The following ABCD3 variants were observed in gnomAD, a reference collection of about 807,000 sequenced individuals.
ABCD3 encodes the protein ATP binding cassette subfamily D member 3.
In ABCD3, 41 loss-of-function variants were observed where a neutral mutation model predicts 105.5. The ratio of observed to expected loss-of-function variants is 0.39; its 90% CI spans 0.30 to 0.50. The LOEUF (loss-of-function observed/expected upper bound fraction) is 0.50. Ranked by LOEUF, ABCD3 falls within the 20% of genes least tolerant of loss-of-function variation. ABCD3 has a pLI of 0.84. For missense variants in ABCD3, 622 were observed against 806.3 expected, an observed-to-expected ratio of 0.77 and a Z score of 2.77; for synonymous variants, 258 against 269.0, an observed-to-expected ratio of 0.96 and a Z score of 0.40.
At chr1:94,442,247 G>C (rs1404149783) in intron 1 of ABCD3, among the ~76,000 whole-genome samples, 1 of 152,118 alleles carries the variant, frequency 6.6e-6, no homozygotes, top group Non-Finnish European at 1.5e-5. Flanking sequence ...CTGTGCAATT[G>C]CTATAAGCCG....
At position 94,478,567 on chromosome 1, in the gene ABCD3, T is replaced by A. The variant is rs747447804; in HGVS notation, c.684+252T>A. ...TGGCATTAAAAACCAGACAAATGTATTGGCCAGGCGTGGTGGCTCATGCCT... is the reference window on the plus strand; with the variant it reads ...TGGCATTAAAAACCAGACAAATGTAATGGCCAGGCGTGGTGGCTCATGCCT... On this transcript the variant is annotated intron_variant, in intron 8 of 22. Transcript: ENST00000370214. The A allele has an allele frequency of 5.6e-6, 9 of 1,594,428 alleles. No homozygotes were observed. In the Admixed American group the frequency reaches 1.5e-4, roughly 27 times the overall value.
At chr1:94,439,068 A>T (rs1314248657) in intron 1 of ABCD3, among the ~76,000 whole-genome samples, 1 of 152,052 alleles carries the variant, frequency 6.6e-6, no homozygotes, top group Non-Finnish European at 1.5e-5. Flanking sequence ...TCTTGTCCAG[A>T]GCTTGTTCTG....
At chr1:94,386,528 T>C in the ABCD3 span, among the ~76,000 whole-genome samples, 1 of 152,260 alleles carries the variant, frequency 6.6e-6, no homozygotes, top group Non-Finnish European at 1.5e-5. Context: ...AGCTGAACTT[T>C]AATCCAGTGG....
intron 1 of ABCD3, among the ~76,000 whole-genome samples, chr1:94,447,998 G>A (rs938613989): frequency 7.2e-5 from 11 of 152,188 alleles, no homozygotes; most frequent in African/African-American, 2.7e-4. Context: ...CTGAGGCAGA[G>A]CTTCAGCTAA....
At chr1:94,494,933 T>C (rs1370270026) in intron 16 of ABCD3, among the ~76,000 whole-genome samples, 1 of 151,900 alleles carries the variant, frequency 6.6e-6, no homozygotes, top group Non-Finnish European at 1.5e-5. Context: ...ACAAAAAAAT[T>C]AGCTAGGTGT....
chr1:94,410,075 T>A, the ABCD3 span, among the ~76,000 whole-genome samples: 1 of 152,152 alleles, frequency 6.6e-6, no homozygotes, highest in Non-Finnish European at 1.5e-5. Context: ...TGGCTACAAT[T>A]TGCTTTGTAA....
At chr1:94,510,757 T>C (rs940154379) in intron 21 of ABCD3, among the ~76,000 whole-genome samples, 31 of 152,258 alleles carry the variant, frequency 2.0e-4, no homozygotes, top group African/African-American at 7.5e-4. Context: ...GCCTTCTTTG[T>C]CTCTTTTGAT....
At chr1:94,431,224 T>C (rs1026435688) in intron 1 of ABCD3, among the ~76,000 whole-genome samples, 4 of 152,202 alleles carry the variant, frequency 2.6e-5, no homozygotes, top group African/African-American at 9.6e-5. Flanking sequence ...GGTAAAAATA[T>C]GCGAAAAAGA....
chr1:94,483,635 A>G (rs1464012873), intron 10 of ABCD3, among the ~76,000 whole-genome samples: 2 of 152,176 alleles, frequency 1.3e-5, no homozygotes, highest in African/African-American at 4.8e-5. Context: ...CTTATATAAA[A>G]ATTAATTCAA....
rs267598781 is a variant in ABCD3 at position 94,475,199 on chromosome 1, C to T, written c.462C>T (p.Phe154=). The T allele has an allele frequency of 2.5e-6, 4 of 1,605,224 alleles. No homozygotes were observed. Among genetic ancestry groups the T allele is most frequent in the African/African-American group, 2.7e-5 (2 of 74,872 alleles). ...KYGLNELKLC[F]RVRLTKYLYE... ...GGTTAAATGAGCTTAAACTGTGCTT[C>T]CGAGTAAGGCTCACTAAATACCTCT... is the stretch of plus-strand genomic sequence containing the variant. Residue 154 remains phenylalanine, a synonymous_variant, in exon 6 of 23, where the codon TTC becomes TTT. Coordinates refer to ENST00000370214, the MANE Select transcript of ABCD3 (RefSeq NM_002858.4).
At chr1:94,490,324 A>G (rs1649473067) in intron 15 of ABCD3, among the ~76,000 whole-genome samples, 1 of 151,956 alleles carries the variant, frequency 6.6e-6, no homozygotes, top group African/African-American at 2.4e-5. Flanking sequence ...GTCCCAGTAC[A>G]GTGGATCTAC....
At chr1:94,483,545 G>A (rs1203915701) in intron 10 of ABCD3, among the ~76,000 whole-genome samples, 4 of 152,084 alleles carry the variant, frequency 2.6e-5, no homozygotes, top group Admixed American at 6.5e-5. Flanking sequence ...AATGAGGAAA[G>A]GATTCCCTGT....
At chr1:94,475,868 T>TA in intron 7 of ABCD3, 131 bp downstream of exon 7, 1 of 739,678 alleles carries the variant, frequency 1.4e-6, no homozygotes, top group Non-Finnish European at 2.2e-6. Flanking sequence ...ATAAGAAAAT[T>TA]AGAGTTGTTG....
chr1:94,465,756 T>C (rs893517961), intron 3 of ABCD3, among the ~76,000 whole-genome samples: 1 of 152,212 alleles, frequency 6.6e-6, no homozygotes, highest in Non-Finnish European at 1.5e-5. Context: ...ATTCGTTCCT[T>C]TGCTTTTTTA....
At chr1:94,453,999 A>G (rs1177173896) in intron 1 of ABCD3, among the ~76,000 whole-genome samples, 1 of 150,976 alleles carries the variant, frequency 6.6e-6, no homozygotes, top group African/African-American at 2.4e-5. Flanking sequence ...GGTGAATTCC[A>G]CAGGATATAT....
At chr1:94,497,247 A>G (rs1021851166) in intron 16 of ABCD3, among the ~76,000 whole-genome samples, 8 of 152,104 alleles carry the variant, frequency 5.3e-5, no homozygotes, top group Admixed American at 5.2e-4. Context: ...TAGAATGTAA[A>G]CCAGTAAGGG....
the ABCD3 span, among the ~76,000 whole-genome samples, chr1:94,409,983 T>C: frequency 6.6e-6 from 1 of 152,194 alleles, no homozygotes; most frequent in African/African-American, 2.4e-5. Context: ...GAGCTGTGTC[T>C]GGTTGACTGG....
At position 94,492,052 on chromosome 1, in the gene ABCD3, G is replaced by A. The variant is rs1446219902; in HGVS notation, c.1386+805G>A. On this transcript the variant is annotated intron_variant, in intron 16 of 22. Transcript: ENST00000370214. ...TCACTGTCCAGTAAAATAACCATGTGTAGATATTGAGCATGTGAAATGTGA... is the reference window on the plus strand; with the variant it reads ...TCACTGTCCAGTAAAATAACCATGTATAGATATTGAGCATGTGAAATGTGA... Among the ~76,000 whole-genome samples, 7 of 152,222 alleles carry A rather than the reference G, an allele frequency of 4.6e-5. No homozygotes were observed. In the East Asian group the frequency reaches 1.3e-3, roughly 29 times the overall value.
intron 1 of ABCD3, chr1:94,455,784 G>T (rs1417502956): frequency 1.6e-6 from 2 of 1,233,808 alleles, no homozygotes; most frequent in African/African-American, 3.1e-5. Flanking sequence ...TGGGAGAGCT[G>T]ACTGATCATG....
Sources: allele counts gnomAD v4.1 joint callset (sites outside exome capture counted in the v4.1 genomes callset), GRCh38; gene constraint gnomAD v4.1.1; transcripts MANE v1.5; gene names NCBI Gene and HGNC (gene_info 2026-07-23, HGNC 2026-07-21).